Variants in SLIT2 observed in about 807,000 individuals in gnomAD.
The protein encoded by SLIT2 is slit homolog 2 protein.
SLIT2 carries 41 observed loss-of-function variants against 185.7 expected under a neutral mutation model. The observed-to-expected ratio is 0.22, with a 90% CI of 0.17 to 0.29. The LOEUF is 0.29. Among genes scored for constraint, SLIT2 ranks in the 10% least tolerant of loss-of-function variants. The pLI is 1.00. For missense variants in SLIT2, 1,571 were observed against 1,909.0 expected, an observed-to-expected ratio of 0.82 and a Z score of 3.30; for synonymous variants, 693 against 680.2, an observed-to-expected ratio of 1.02 and a Z score of -0.29.
chr4:20,619,299 G>C lies in SLIT2; in HGVS notation c.*290G>C. 3.8e-6 allele frequency: 1 copy of C among 259,950 alleles called. No homozygotes were observed. The highest frequency in any genetic ancestry group is 7.5e-6 in the Non-Finnish European group (1 of 133,808). 16.1% of individuals were successfully genotyped at this position (259,950 alleles called of 1,614,324 possible). ...GGGTCCATCTTTGTAACATGCTGAA[G>C]ACAAGCAGAAGCACATGCACGAGGG... On this transcript the variant is annotated 3_prime_UTR_variant, in exon 37 of 37. Transcript: ENST00000504154.
At chr4:20,308,076 T>C (rs1027882178) in intron 4 of SLIT2, among the ~76,000 whole-genome samples, 6 of 152,146 alleles carry the variant, frequency 3.9e-5, no homozygotes, top group African/African-American at 1.4e-4. Context: ...AAATGTCCTA[T>C]GGCTACCAGG....
Position 20,342,631 on chromosome 4 carries a change from A to T in SLIT2, c.395+73750A>T, listed in dbSNP as rs889940125. 2.0e-5 allele frequency among the ~76,000 whole-genome samples: 3 copies of T among 148,052 alleles called. No individual in the cohort carries two copies. In the East Asian group the frequency reaches 6.0e-4, roughly 30 times the overall value. On this transcript the variant is annotated intron_variant, in intron 4 of 36. Transcript: ENST00000504154. ...GAATATGCTACTTTAAAATAAAAAT[A>T]TTGATTTATTTATTCCTTTTTTAAC... is the stretch of plus-strand genomic sequence containing the variant.
At chr4:20,278,742 G>A (rs975922634) in intron 4 of SLIT2, among the ~76,000 whole-genome samples, 1 of 142,604 alleles carries the variant, frequency 7.0e-6, no homozygotes, top group African/African-American at 2.6e-5. Context: ...TAATAGCCAG[G>A]GTATTCTAAA....
chr4:20,475,518 T>C (rs569145036), intron 5 of SLIT2, among the ~76,000 whole-genome samples: 15 of 152,160 alleles, frequency 9.9e-5, no homozygotes, highest in Non-Finnish European at 1.9e-4. Context: ...TGGCAATACA[T>C]ACATCTACAT....
intron 11 of SLIT2, among the ~76,000 whole-genome samples, chr4:20,517,355 T>C (rs887997864): frequency 6.6e-6 from 1 of 152,150 alleles, no homozygotes; most frequent in African/African-American, 2.4e-5. Context: ...ATCTCTATTG[T>C]TGAATGAATG....
chr4:20,399,404 G>C (rs977192422), intron 4 of SLIT2, among the ~76,000 whole-genome samples: 17 of 151,626 alleles, frequency 1.1e-4, no homozygotes, highest in Non-Finnish European at 2.4e-4. Context: ...GTCCCTGGGC[G>C]AACCATAAAC....
At chr4:20,571,515 A>G (rs1224126377) in intron 29 of SLIT2, among the ~76,000 whole-genome samples, 2 of 152,196 alleles carry the variant, frequency 1.3e-5, no homozygotes, top group African/African-American at 4.8e-5. Flanking sequence ...GGATTTTGAA[A>G]TCATTGACAC....
At chr4:20,495,869 C>G (rs1718186208) in intron 9 of SLIT2, among the ~76,000 whole-genome samples, 1 of 152,056 alleles carries the variant, frequency 6.6e-6, no homozygotes, top group Non-Finnish European at 1.5e-5. Context: ...TCTTTTATTA[C>G]TCTTTTATTT....
intron 11 of SLIT2, among the ~76,000 whole-genome samples, chr4:20,511,776 T>C (rs1719780238): frequency 6.6e-6 from 1 of 151,736 alleles, no homozygotes; most frequent in Non-Finnish European, 1.5e-5. Context: ...TTGGAAAGCA[T>C]GTAGCTAGTA....
At chr4:20,418,687 A>C (rs983578237) in intron 4 of SLIT2, among the ~76,000 whole-genome samples, 2 of 152,320 alleles carry the variant, frequency 1.3e-5, no homozygotes, top group Non-Finnish European at 2.9e-5. Flanking sequence ...GGGAGAAGTA[A>C]CTGCATATTA....
chr4:20,565,381 A>G (rs942948818), intron 26 of SLIT2, among the ~76,000 whole-genome samples: 2 of 152,022 alleles, frequency 1.3e-5, no homozygotes, highest in African/African-American at 4.8e-5. Flanking sequence ...GGGATCTGCT[A>G]GCAATGAGCT....
intron 4 of SLIT2, among the ~76,000 whole-genome samples, chr4:20,372,658 TC>T (rs1364533962): frequency 6.6e-6 from 1 of 152,050 alleles, no homozygotes; most frequent in Non-Finnish European, 1.5e-5. Flanking sequence ...TTTGCTCTGT[TC>T]TTACAATTTT....
At chr4:20,522,367 G>A (rs1233097599) in intron 12 of SLIT2, among the ~76,000 whole-genome samples, 1 of 152,150 alleles carries the variant, frequency 6.6e-6, no homozygotes. Flanking sequence ...AGTGGTGCCT[G>A]TTAGGGATGG....
chr4:20,270,905 A>G (rs1016642934), intron 4 of SLIT2, among the ~76,000 whole-genome samples: 2 of 151,972 alleles, frequency 1.3e-5, no homozygotes, highest in African/African-American at 4.8e-5. Context: ...ACTTAGGTGA[A>G]TTGTTGAGTG....
intron 4 of SLIT2, among the ~76,000 whole-genome samples, chr4:20,447,669 T>C (rs1173407835): frequency 6.6e-6 from 1 of 151,790 alleles, no homozygotes; most frequent in Non-Finnish European, 1.5e-5. Context: ...GGGGATGGAG[T>C]GGAAGAGCTC....
At chr4:20,554,055 A>G (rs1356064498) in intron 26 of SLIT2, 87 bp downstream of exon 26, 3 of 1,057,770 alleles carry the variant, frequency 2.8e-6, no homozygotes, top group Non-Finnish European at 4.1e-6. Context: ...ATCCAAAGGT[A>G]TGGTTGAAAT....
intron 3 of SLIT2, among the ~76,000 whole-genome samples, chr4:20,268,069 C>T (rs1713224220): frequency 1.3e-5 from 2 of 151,872 alleles, no homozygotes; most frequent in Admixed American, 6.6e-5. Flanking sequence ...AGTATTTACC[C>T]ACTCTTTCTT....
intron 4 of SLIT2, among the ~76,000 whole-genome samples, chr4:20,418,196 C>T (rs774307904): frequency 6.6e-6 from 1 of 152,188 alleles, no homozygotes; most frequent in Non-Finnish European, 1.5e-5. Flanking sequence ...CTGACAGGAT[C>T]ACGCTTTTTT....
intron 12 of SLIT2, among the ~76,000 whole-genome samples, chr4:20,521,875 ATT>A (rs3836697): frequency 6.6e-6 from 1 of 152,014 alleles, no homozygotes. Context: ...AGGAGAAAAT[ATT>A]TTTTAGTATG....
Sources: allele counts gnomAD v4.1 joint callset (sites outside exome capture counted in the v4.1 genomes callset), GRCh38; gene constraint gnomAD v4.1.1; transcripts MANE v1.5; gene names NCBI Gene and HGNC (gene_info 2026-07-23, HGNC 2026-07-21).